The following PKD1L1 variants were observed in gnomAD, a reference collection of about 807,000 sequenced individuals.
PKD1L1 encodes polycystin 1 like 1, transient receptor potential channel interacting, also known as polycystin-1-like protein 1.
A neutral mutation model predicts 323.4 loss-of-function variants in PKD1L1; 236 were observed. That is an observed-to-expected ratio of 0.73 (90% CI 0.66 to 0.81). The LOEUF is 0.81. Ranked by LOEUF, PKD1L1 falls within the 40% of genes least tolerant of loss-of-function variation. The pLI, the probability that PKD1L1 is intolerant of heterozygous loss-of-function variation, is 0.00. For missense variants in PKD1L1, 3,320 were observed against 3,508.0 expected (o/e 0.95, Z 1.35); for synonymous variants, 1,344 against 1,335.0 (o/e 1.01, Z -0.15).
chr7:47,866,187 G>A (rs929368558), intron 25 of PKD1L1, among the ~76,000 whole-genome samples: 1 of 152,154 alleles, frequency 6.6e-6, no homozygotes, highest in Non-Finnish European at 1.5e-5. Context: ...CTGTAACAAC[G>A]ATTGACTTGG....
At chr7:47,854,172 C>T (rs146027684) in intron 30 of PKD1L1, among the ~76,000 whole-genome samples, 2 of 152,324 alleles carry the variant, frequency 1.3e-5, no homozygotes, top group African/African-American at 4.8e-5. Flanking sequence ...GTGCTAAGGG[C>T]TGTGTGGACA....
At chr7:47,817,466 T>G (rs925924426) in intron 46 of PKD1L1, among the ~76,000 whole-genome samples, 19 of 152,106 alleles carry the variant, frequency 1.2e-4, no homozygotes, top group Non-Finnish European at 2.6e-4. Flanking sequence ...TGACAATAAT[T>G]GGACAATATT....
chr7:47,904,498 A>T lies in PKD1L1; in HGVS notation c.1811T>A (p.Val604Glu). Reference sequence around the variant, plus strand: ...GCACTCAAAGGCCACACTGGCATTTACCAGAGCTGAGGAGGGGGACGTGAG... The same window carrying T: ...GCACTCAAAGGCCACACTGGCATTTTCCAGAGCTGAGGAGGGGGACGTGAG... ...NRLTSPSSAL[V>E]NASVAFECWI... Residue 604 changes from valine to glutamate, a missense_variant, in exon 12 of 57, where the codon GTA (valine) becomes GAA (glutamate). By Grantham distance (121) the Val-to-Glu change is moderately radical. Coordinates refer to ENST00000289672, the MANE Select transcript of PKD1L1 (RefSeq NM_138295.5). 1 of 1,614,164 alleles carries T rather than the reference A, an allele frequency of 6.2e-7. No individual in the cohort carries two copies.
In PKD1L1 at chr7:47,800,852, G is replaced by C. The variant is rs200576535; in HGVS notation, c.7990C>G (p.Leu2664Val). The change falls in exon 54 of 57, where the codon CTC (leucine) becomes GTC (valine). Residue 2664 changes from leucine (L) to valine (V), a missense_variant. Leu to Val is a conservative substitution (Grantham distance 32, BLOSUM62 1). Coordinates refer to ENST00000289672, the MANE Select transcript of PKD1L1 (RefSeq NM_138295.5). Reference sequence around the variant, plus strand: ...AGCAGAAATCGGTGCAGGTGGGAGAGGGCGGCCAGCATCAGTGCCCCCACC... The same window carrying C: ...AGCAGAAATCGGTGCAGGTGGGAGACGGCGGCCAGCATCAGTGCCCCCACC... Reference protein sequence around the residue: ...GLVGALMLAALSHLHRFLLSM... With the variant: ...GLVGALMLAAVSHLHRFLLSM... 5.5e-5 allele frequency: 88 copies of C among 1,614,028 alleles called. No homozygotes were observed. The East Asian group carries it at 1.3e-3, about 24-fold the overall frequency.
intron 56 of PKD1L1, among the ~76,000 whole-genome samples, chr7:47,790,528 T>C (rs1397181220): frequency 1.3e-5 from 2 of 151,712 alleles, no homozygotes; most frequent in African/African-American, 2.4e-5. Context: ...AGACAGGGTT[T>C]CACTGTGTTA....
chr7:47,931,043 G>A, intron 6 of PKD1L1, 61 bp downstream of exon 6: 1 of 1,512,110 alleles, frequency 6.6e-7, no homozygotes, highest in Non-Finnish European at 9.1e-7. Flanking sequence ...GATTGGGCAT[G>A]GATGGTTCCA....
chr7:47,934,231 T>C (rs1328986260), intron 4 of PKD1L1, among the ~76,000 whole-genome samples: 1 of 152,224 alleles, frequency 6.6e-6, no homozygotes, highest in Non-Finnish European at 1.5e-5. Flanking sequence ...AGGAGCTCCA[T>C]GTAGCTCATG....
At chr7:47,803,124 G>T in intron 53 of PKD1L1, 86 bp downstream of exon 53, 1 of 1,543,266 alleles carries the variant, frequency 6.5e-7, no homozygotes, top group Non-Finnish European at 8.9e-7. Context: ...CTTGAGAGCA[G>T]TTTGTTTTTC....
rs781763816 is a variant in PKD1L1 at position 47,829,578 on chromosome 7, A to C, written c.6582T>G (p.Phe2194Leu). The change falls in exon 44 of 57, where the codon TTT becomes TTG. Residue 2194 changes from phenylalanine (F) to leucine (L), a missense_variant. Transcript: ENST00000289672. Reference sequence around the variant, plus strand: ...GGTTGTCAGCTCTTCTTTTCCAAGCAAAACCCAAGGCCATGAGGCATACCT... The same window carrying C: ...GGTTGTCAGCTCTTCTTTTCCAAGCCAAACCCAAGGCCATGAGGCATACCT... Reference protein sequence around the residue: ...PLMVCLMALGFAWKRRADNHF... With the variant: ...PLMVCLMALGLAWKRRADNHF... 6.2e-7 allele frequency: 1 copy of C among 1,612,976 alleles called. No individual in the cohort carries two copies. The highest frequency in any genetic ancestry group is 1.1e-5 in the South Asian group (1 of 90,794).
intron 27 of PKD1L1, 106 bp downstream of exon 27, chr7:47,858,567 C>T: frequency 9.4e-7 from 1 of 1,065,374 alleles, no homozygotes; most frequent in Non-Finnish European, 1.4e-6. Context: ...CACAGTACTT[C>T]AGAAACTGAT....
intron 55 of PKD1L1, among the ~76,000 whole-genome samples, chr7:47,793,781 A>G (rs1787009711): frequency 6.6e-6 from 1 of 152,198 alleles, no homozygotes; most frequent in Non-Finnish European, 1.5e-5. Flanking sequence ...GGAACCTCCT[A>G]GAGACTTGTG....
intron 56 of PKD1L1, 149 bp downstream of exon 56, chr7:47,792,477 TG>T: frequency 2.8e-6 from 2 of 726,534 alleles, no homozygotes; most frequent in Non-Finnish European, 4.2e-6. Flanking sequence ...TCTTTAGTTC[TG>T]GCCAGAGCAT....
chr7:47,830,172 C>A (rs764709270), intron 42 of PKD1L1, 48 bp from the exon 43 acceptor site: 1 of 1,512,432 alleles, frequency 6.6e-7, no homozygotes, highest in South Asian at 1.1e-5. Context: ...AGGGAGCAGG[C>A]CACCCAGCAG....
At chr7:47,952,955 A>G (rs1051486447), upstream of PKD1L1, among the ~76,000 whole-genome samples, 2 of 152,200 alleles carry the variant, frequency 1.3e-5, no homozygotes, top group African/African-American at 4.8e-5. Context: ...CTTGATATTT[A>G]AATACCTTGA....
Position 47,800,735 on chromosome 7 carries a change from G to A in PKD1L1, c.8107C>T (p.Leu2703Phe). 6.2e-7 allele frequency: 1 copy of A among 1,614,214 alleles called. No homozygotes were observed. The highest frequency in any genetic ancestry group is 8.5e-7 in the Non-Finnish European group (1 of 1,180,046). ...CGCTGGTCAGACTTGGAAAGGCCAA[G>A]GAGGCAGTCTTTTTGGCTTCTTCTG... Reference protein sequence around the residue: ...FPRRSQKDCLLGLSKSDQRAM... With the variant: ...FPRRSQKDCLFGLSKSDQRAM... Residue 2703 changes from leucine to phenylalanine, a missense_variant, in exon 54 of 57, where the codon CTT becomes TTT. Physicochemically the swap from Leu to Phe is conservative, Grantham distance 22 (BLOSUM62 0). Transcript: ENST00000289672.
Position 47,857,708 on chromosome 7 carries a change from G to A in PKD1L1, c.4487C>T (p.Ala1496Val), listed in dbSNP as rs761906416. Reference sequence around the variant, plus strand: ...CTCCGCCCCAGCAGGACTGTGCCCAGCAAGGTCACCAGGTAAATGCACCTG... The same window carrying A: ...CTCCGCCCCAGCAGGACTGTGCCCAACAAGGTCACCAGGTAAATGCACCTG... ...SVQVHLPGDL[A>V]GHSPAGAETQ... The change falls in exon 28 of 57, where the codon GCT becomes GTT. Residue 1496 changes from alanine (A) to valine (V), a missense_variant. Ala to Val is a moderately conservative substitution (Grantham distance 64). Coordinates refer to ENST00000289672, the MANE Select transcript of PKD1L1 (RefSeq NM_138295.5). 7 of 1,614,200 alleles carry A rather than the reference G, an allele frequency of 4.3e-6. No individual in the cohort carries two copies. In the East Asian group the frequency reaches 8.9e-5, roughly 21 times the overall value.
chr7:47,940,847 G>A (rs950426313), intron 2 of PKD1L1, among the ~76,000 whole-genome samples: 10 of 152,170 alleles, frequency 6.6e-5, no homozygotes, highest in African/African-American at 2.4e-4. Flanking sequence ...GCAGTGAGCG[G>A]AGCCAGTGTC....
In PKD1L1 at chr7:47,827,443, C is replaced by A; in HGVS notation, c.6761G>T (p.Arg2254Leu). 3 of 1,610,888 alleles carry A rather than the reference C, an allele frequency of 1.9e-6. No homozygotes were observed. The highest frequency in any genetic ancestry group is 2.5e-6 in the Non-Finnish European group (3 of 1,179,228). Residue 2254 changes from arginine to leucine, a missense_variant, in exon 45 of 57, where the codon CGC becomes CTC. Arg to Leu is a moderately radical substitution (Grantham distance 102). Coordinates refer to ENST00000289672, the MANE Select transcript of PKD1L1 (RefSeq NM_138295.5). ...EKVLAARQQA[R>L]HLRWAHPPSK... ...TGGTGGATGCGCCCAGCGCAGGTGGCGAGCTTGTTGTCGGGCAGCCAAGAC... is the reference window on the plus strand; with the variant it reads ...TGGTGGATGCGCCCAGCGCAGGTGGAGAGCTTGTTGTCGGGCAGCCAAGAC...
In PKD1L1 at chr7:47,840,102, T is replaced by G. The variant is rs1482480881; in HGVS notation, c.5552+359A>C. ...GTGCTTGCATCCTATCTTGTTAAAT[T>G]CACTCTTTCTCCAACCCCACCATCT... On this transcript the variant is annotated intron_variant, in intron 35 of 56. Coordinates refer to ENST00000289672, the MANE Select transcript of PKD1L1 (RefSeq NM_138295.5). This position sits in a 1 kb window ranked among gnomAD's most constrained non-coding sequence, Gnocchi z 4.1. Among the ~76,000 whole-genome samples the G allele has an allele frequency of 6.6e-6, 1 of 152,150 alleles. No homozygotes were observed. Among genetic ancestry groups the G allele is most frequent in the African/African-American group, 2.4e-5 (1 of 41,440 alleles).
Sources: allele counts gnomAD v4.1 joint callset (sites outside exome capture counted in the v4.1 genomes callset), GRCh38; gene constraint gnomAD v4.1.1; non-coding constraint Gnocchi (gnomAD v3.1); transcripts MANE v1.5; gene names NCBI Gene and HGNC (gene_info 2026-07-23, HGNC 2026-07-21).